SOAT1: variants seen among roughly 807,000 people sequenced by gnomAD.
The protein encoded by SOAT1 is acyl-coenzyme A:cholesterol acyltransferase 1.
Under a neutral mutation model 69.5 loss-of-function variants are expected in SOAT1, and 55 were observed. The observed-to-expected ratio is 0.79, with a 90% CI of 0.64 to 0.99. The LOEUF is 0.99. Ranked by LOEUF, SOAT1 falls within the 50% of genes least tolerant of loss-of-function variation. The pLI is 0.00. For synonymous variants in SOAT1, 231 were observed against 224.7 expected (o/e 1.03, Z -0.25); for missense variants, 580 against 669.3 (o/e 0.87, Z 1.47).
chr1:179,337,820 A>C lies in SOAT1; in HGVS notation c.330-17A>C, dbSNP rs1339277097. 1 of 1,587,810 alleles carries C rather than the reference A, an allele frequency of 6.3e-7. No homozygotes were observed. The highest frequency in any genetic ancestry group is 1.4e-5 in the African/African-American group (1 of 73,612). ...CTTGAAGTACTTATATCTTGTTTTAATTTTTCCTCTTCTCAGGGATTTGAG... is the reference window on the plus strand; with the variant it reads ...CTTGAAGTACTTATATCTTGTTTTACTTTTTCCTCTTCTCAGGGATTTGAG... On this transcript the variant is annotated splice_polypyrimidine_tract_variant and intron_variant, in intron 4 of 15. Coordinates refer to ENST00000367619, the MANE Select transcript of SOAT1 (RefSeq NM_003101.6).
chr1:179,318,955 T>C (rs1174387998), intron 2 of SOAT1, among the ~76,000 whole-genome samples: 4 of 152,204 alleles, frequency 2.6e-5, no homozygotes, highest in Non-Finnish European at 5.9e-5. Flanking sequence ...ATTTCTCTTG[T>C]GTATATACCT....
intron 2 of SOAT1, among the ~76,000 whole-genome samples, chr1:179,313,905 C>T (rs1211305538): frequency 1.3e-5 from 2 of 152,008 alleles, no homozygotes; most frequent in Non-Finnish European, 2.9e-5. Context: ...GTTTATAGGA[C>T]GACACTGATC....
chr1:179,316,527 G>A (rs1291177269), intron 2 of SOAT1, among the ~76,000 whole-genome samples: 2 of 152,158 alleles, frequency 1.3e-5, no homozygotes, highest in Non-Finnish European at 2.9e-5. Context: ...CTCTTGAGTA[G>A]CTGGGATTAC....
chr1:179,351,504 TTC>T (rs1666732216), intron 15 of SOAT1, 42 bp downstream of exon 15: 6 of 1,600,414 alleles, frequency 3.7e-6, no homozygotes, highest in African/African-American at 1.3e-5. Context: ...AACCTGTTTA[TTC>T]TCTGTTTGTG....
chr1:179,346,768 C>T (rs1477296946), intron 11 of SOAT1, among the ~76,000 whole-genome samples: 1 of 152,108 alleles, frequency 6.6e-6, no homozygotes, highest in Admixed American at 6.6e-5. Flanking sequence ...GGCACCACTC[C>T]CTCTCCTCCA....
chr1:179,336,449 G>A (rs764293816), intron 4 of SOAT1, among the ~76,000 whole-genome samples: 5 of 139,960 alleles, frequency 3.6e-5, no homozygotes, highest in Non-Finnish European at 7.6e-5. Flanking sequence ...ACTCCAGCCT[G>A]GGCAACAGAG....
Position 179,321,271 on chromosome 1 carries a change from A to AT in SOAT1, c.119-2157dup, listed in dbSNP as rs145866272. 7.1e-3 allele frequency among the ~76,000 whole-genome samples: 1,078 copies of AT among 151,540 alleles called. 12 individuals carry two copies. Among genetic ancestry groups the AT allele is most frequent in the African/African-American group, 0.024 (985 of 41,314 alleles). The stretch of plus-strand genomic sequence containing the variant: ...CAATCATTTCTGGTTGAGGAATGGC[A>AT]TTTTTTTTTATTCTTGGCACGTTGG... On this transcript the variant is annotated intron_variant, in intron 2 of 15. Coordinates refer to ENST00000367619, the MANE Select transcript of SOAT1 (RefSeq NM_003101.6).
Position 179,341,329 on chromosome 1 carries a change from C to A in SOAT1, c.780+19C>A. The A allele has an allele frequency of 6.2e-7, 1 of 1,608,100 alleles. No homozygotes were observed. The highest frequency in any genetic ancestry group is 8.5e-7 in the Non-Finnish European group (1 of 1,175,996). ...CGAGCAGGTAAGGTTTTAAGTGTTA[C>A]CCAAGGCGATGCTGTCCTCGGCTAA... On this transcript the variant is annotated intron_variant, in intron 7 of 15. Transcript: ENST00000367619.
Position 179,353,689 on chromosome 1 carries a change from C to T in SOAT1, c.*48C>T. 1 of 1,475,956 alleles carries T rather than the reference C, an allele frequency of 6.8e-7. No homozygotes were observed. Among genetic ancestry groups the T allele is most frequent in the Non-Finnish European group, 9.5e-7 (1 of 1,055,744 alleles). The allele number at this position is 1,475,956 out of a possible 1,614,324, so 91.4% of individuals were successfully genotyped here. A position where few individuals can be genotyped will look rare whatever the true frequency, so the allele number is the denominator to read the frequency against. ...TTGTCACTGAAGATTGGGTAGCTCC[C>T]TGATTTGGAGCCAGCTGTTTCCAGT... On this transcript the variant is annotated 3_prime_UTR_variant, in exon 16 of 16. Transcript: ENST00000367619.
chr1:179,335,763 TC>T (rs1431376268), intron 4 of SOAT1, 106 bp downstream of exon 4: 3 of 1,030,594 alleles, frequency 2.9e-6, no homozygotes, highest in Non-Finnish European at 4.2e-6. Context: ...GGTGTCACTT[TC>T]TATTGGCTGT....
chr1:179,353,580 T>C lies in SOAT1; in HGVS notation c.1597-5T>C. 6.2e-7 allele frequency: 1 copy of C among 1,613,166 alleles called. No individual in the cohort carries two copies. The highest frequency in any genetic ancestry group is 1.7e-4 in the Middle Eastern group (1 of 6,060). On this transcript the variant is annotated splice_polypyrimidine_tract_variant and splice_region_variant and intron_variant, in intron 15 of 15. Coordinates refer to ENST00000367619, the MANE Select transcript of SOAT1 (RefSeq NM_003101.6). The stretch of plus-strand genomic sequence containing the variant: ...TTTTTCCATTCTTATTTTTCCCCAC[T>C]GCAGCCCACATTTTTGGATTATGTC...
chr1:179,334,841 C>A (rs1666090542), intron 3 of SOAT1, among the ~76,000 whole-genome samples: 2 of 151,640 alleles, frequency 1.3e-5, no homozygotes, highest in Admixed American at 6.6e-5. Flanking sequence ...CATGGAGAAA[C>A]CCTGTCTCTA....
At chr1:179,309,357 C>G (rs969939140) in intron 2 of SOAT1, among the ~76,000 whole-genome samples, 9 of 152,202 alleles carry the variant, frequency 5.9e-5, no homozygotes, top group African/African-American at 2.2e-4. Flanking sequence ...GCTGGGATTA[C>G]AGGCGTGAGC....
At chr1:179,326,168 T>C (rs1665783254) in intron 3 of SOAT1, among the ~76,000 whole-genome samples, 1 of 152,208 alleles carries the variant, frequency 6.6e-6, no homozygotes, top group Admixed American at 6.5e-5. Flanking sequence ...AGTTGAAAAC[T>C]TGAGGCTAGA....
Position 179,344,995 on chromosome 1 carries a change from G to GC in SOAT1, c.1041dup (p.Phe349ValfsTer20), listed in dbSNP as rs1456211635. On this transcript the variant is annotated frameshift_variant, in exon 11 of 16. Transcript: ENST00000367619. LOFTEE classifies it high-confidence loss of function. ...GTACTACATCTTTGAAAGGCTTTGT[G>GC]CCCCCTTGTTTCGGAATATCAAACA... 1 of 1,614,020 alleles carries GC rather than the reference G, an allele frequency of 6.2e-7. No homozygotes were observed. The highest frequency in any genetic ancestry group is 1.1e-5 in the South Asian group (1 of 91,074).
At chr1:179,318,656 G>T (rs1012371760) in intron 2 of SOAT1, among the ~76,000 whole-genome samples, 3 of 152,074 alleles carry the variant, frequency 2.0e-5, no homozygotes, top group Non-Finnish European at 2.9e-5. Context: ...AACCACCAGC[G>T]TTTTGTCTGT....
intron 2 of SOAT1, among the ~76,000 whole-genome samples, chr1:179,317,769 T>G (rs1665447340): frequency 6.6e-6 from 1 of 151,038 alleles, no homozygotes; most frequent in African/African-American, 2.4e-5. Context: ...TGACGTCTGA[T>G]GTTTCTCGGT....
At chr1:179,345,139 C>G (rs775384229) in intron 11 of SOAT1, 63 bp downstream of exon 11, 1 of 1,537,938 alleles carries the variant, frequency 6.5e-7, no homozygotes, top group Non-Finnish European at 8.9e-7. Context: ...AAAGCTATTG[C>G]CTATGAGCAC....
At chr1:179,319,146 T>A (rs1489180535) in intron 2 of SOAT1, among the ~76,000 whole-genome samples, 1 of 152,158 alleles carries the variant, frequency 6.6e-6, no homozygotes, top group Non-Finnish European at 1.5e-5. Context: ...CTAGTGGGTG[T>A]GAAATGATAC....
Sources: allele counts gnomAD v4.1 joint callset (sites outside exome capture counted in the v4.1 genomes callset), GRCh38; gene constraint gnomAD v4.1.1; transcripts MANE v1.5; gene names NCBI Gene and HGNC (gene_info 2026-07-23, HGNC 2026-07-21).